The following CALB2 variants were observed in gnomAD, a reference collection of about 807,000 sequenced individuals.
CALB2 encodes the protein calretinin.
CALB2 carries 34 observed loss-of-function variants against 45.9 expected under a neutral mutation model. That is an observed-to-expected ratio of 0.74 (90% CI 0.56 to 0.99). The LOEUF (loss-of-function observed/expected upper bound fraction) is 0.99, where lower values mean the gene tolerates loss of function less well. CALB2 is among the 50% of genes least tolerant of loss of function. The pLI is 0.00. For missense variants in CALB2, 344 were observed against 339.3 expected, an observed-to-expected ratio of 1.01 and a Z score of -0.11; for synonymous variants, 142 against 129.6, an observed-to-expected ratio of 1.10 and a Z score of -0.65.
chr16:71,376,465 ACATCCACATACACCCACATG>A (rs1164213434), intron 3 of CALB2, among the ~76,000 whole-genome samples: 3 of 152,192 alleles, frequency 2.0e-5, no homozygotes, highest in African/African-American at 7.2e-5. Flanking sequence ...GCCAGGCATC[ACATCCACATACACCCACATG>A]CATCCACATA....
At chr16:71,389,707 C>A in intron 10 of CALB2, 42 bp from the exon 11 acceptor site, 1 of 1,447,958 alleles carries the variant, frequency 6.9e-7, no homozygotes, top group Non-Finnish European at 9.7e-7. Context: ...GCGTCGGGAC[C>A]ATCCCCTGAA....
intron 1 of CALB2, among the ~76,000 whole-genome samples, chr16:71,369,606 T>G (rs2042324259): frequency 6.6e-6 from 1 of 152,162 alleles, no homozygotes; most frequent in Non-Finnish European, 1.5e-5. Context: ...CTCGCTCCTG[T>G]GTCCGCCCAG....
rs1396557775 is a variant in CALB2 at position 71,385,653 on chromosome 16, G to A, written c.699+5G>A. 2.5e-6 allele frequency: 4 copies of A among 1,613,400 alleles called. No individual in the cohort carries two copies. The highest frequency in any genetic ancestry group is 3.4e-6 in the Non-Finnish European group (4 of 1,179,752). Reference sequence around the variant, plus strand: ...CTGTACGAGAAAAACAAAAAGGTGAGCAGCCAAGCCTGAGGCCCGGCCACT... The same window carrying A: ...CTGTACGAGAAAAACAAAAAGGTGAACAGCCAAGCCTGAGGCCCGGCCACT... On this transcript the variant is annotated splice_donor_5th_base_variant and intron_variant, in intron 10 of 10. Coordinates refer to ENST00000302628, the MANE Select transcript of CALB2 (RefSeq NM_001740.5).
chr16:71,385,520 C>G, intron 9 of CALB2, 57 bp from the exon 10 acceptor site: 9 of 1,505,322 alleles, frequency 6.0e-6, no homozygotes, highest in Middle Eastern at 1.7e-4. Context: ...TGGAATGGGT[C>G]GGGACAGCAG....
chr16:71,359,786 C>T (rs1222764672), intron 1 of CALB2, among the ~76,000 whole-genome samples: 2 of 152,156 alleles, frequency 1.3e-5, no homozygotes, highest in African/African-American at 2.4e-5. Context: ...TCTGTTACTC[C>T]GAAAAAATAA....
intron 8 of CALB2, 150 bp from the exon 9 acceptor site, chr16:71,384,633 A>C: frequency 2.2e-4 from 2 of 9,142 alleles, no homozygotes; most frequent in African/African-American, 1.7e-3. Context: ...ACACAGAGAC[A>C]TCACACACAC....
At chr16:71,359,727 A>G (rs2042219447) in intron 1 of CALB2, among the ~76,000 whole-genome samples, 1 of 152,194 alleles carries the variant, frequency 6.6e-6, no homozygotes, top group African/African-American at 2.4e-5. Context: ...ACTCAGGCAT[A>G]AAGGGTGGTC....
At chr16:71,377,576 C>T (rs759800878) in intron 3 of CALB2, 91 bp from the exon 4 acceptor site, 16 of 832,240 alleles carry the variant, frequency 1.9e-5, no homozygotes, top group Non-Finnish European at 3.2e-5. Flanking sequence ...TGCCTCGCCA[C>T]TGGCCCTTTC....
intron 10 of CALB2, among the ~76,000 whole-genome samples, chr16:71,388,198 G>C (rs2042591783): frequency 1.3e-5 from 2 of 152,038 alleles, no homozygotes; most frequent in Non-Finnish European, 2.9e-5. Context: ...ACTGGATGTA[G>C]TGGCGCCCAC....
intron 10 of CALB2, 40 bp from the exon 11 acceptor site, chr16:71,389,709 T>A (rs1237454505): frequency 1.4e-6 from 2 of 1,463,754 alleles, no homozygotes; most frequent in South Asian, 2.3e-5. Context: ...GTCGGGACCA[T>A]CCCCTGAACC....
intron 1 of CALB2, 40 bp from the exon 2 acceptor site, chr16:71,372,113 A>G (rs1444022783): frequency 1.7e-6 from 2 of 1,209,210 alleles, no homozygotes; most frequent in South Asian, 1.2e-5. Context: ...CCCCCTTACT[A>G]TTTAGTGCTG....
At chr16:71,380,996 G>A (rs1312222220) in intron 4 of CALB2, among the ~76,000 whole-genome samples, 1 of 152,222 alleles carries the variant, frequency 6.6e-6, no homozygotes, top group Non-Finnish European at 1.5e-5. Context: ...GGGGAGCCCA[G>A]AGCTGGCATC....
At chr16:71,372,688 C>T (rs1339481380) in intron 2 of CALB2, among the ~76,000 whole-genome samples, 2 of 152,050 alleles carry the variant, frequency 1.3e-5, no homozygotes, top group Non-Finnish European at 2.9e-5. Context: ...CTGCCCTGTG[C>T]GCTGTAGGAG....
intron 4 of CALB2, among the ~76,000 whole-genome samples, chr16:71,378,109 A>G (rs1477129461): frequency 1.3e-5 from 2 of 152,274 alleles, no homozygotes; most frequent in East Asian, 1.9e-4. Flanking sequence ...CTGTAATCCC[A>G]GCTATTCGGG....
intron 1 of CALB2, among the ~76,000 whole-genome samples, chr16:71,359,316 G>A (rs1156454255): frequency 6.6e-6 from 1 of 152,162 alleles, no homozygotes; most frequent in Non-Finnish European, 1.5e-5. Context: ...GCTGGAGGCT[G>A]GGATAAATTA....
At chr16:71,373,825 T>A (rs1380271014) in intron 2 of CALB2, among the ~76,000 whole-genome samples, 1 of 152,244 alleles carries the variant, frequency 6.6e-6, no homozygotes, top group Non-Finnish European at 1.5e-5. Context: ...ACTATGTACC[T>A]TTGTAAATAT....
intron 8 of CALB2, 69 bp downstream of exon 8, chr16:71,384,447 C>G: frequency 3.1e-6 from 4 of 1,290,664 alleles, no homozygotes; most frequent in Non-Finnish European, 4.5e-6. Flanking sequence ...CCCTCCTTCC[C>G]CCAACGCACC....
chr16:71,384,626 CAG>C (rs1491157874), intron 8 of CALB2, among the ~76,000 whole-genome samples, 155 bp from the exon 9 acceptor site: 3 of 136,268 alleles, frequency 2.2e-5, no homozygotes, highest in Non-Finnish European at 3.2e-5. Flanking sequence ...CCCACATACA[CAG>C]AGACATCACA....
At chr16:71,358,951 G>C (rs1000031506) in intron 1 of CALB2, 65 bp downstream of exon 1, 2 of 1,413,634 alleles carry the variant, frequency 1.4e-6, no homozygotes, top group African/African-American at 2.8e-5. Flanking sequence ...AGGGGGCAGG[G>C]GGCGGCGCTG....
Sources: allele counts gnomAD v4.1 joint callset (sites outside exome capture counted in the v4.1 genomes callset), GRCh38; gene constraint gnomAD v4.1.1; transcripts MANE v1.5; gene names NCBI Gene and HGNC (gene_info 2026-07-23, HGNC 2026-07-21).